Variants in MVB12B observed in about 807,000 individuals in gnomAD.
MVB12B encodes multivesicular body subunit 12B, also known as ESCRT-I complex subunit MVB12B.
A neutral mutation model predicts 41.6 loss-of-function variants in MVB12B; 16 were observed. The ratio of observed to expected loss-of-function variants is 0.38; its 90% CI spans 0.26 to 0.58. MVB12B has a LOEUF of 0.58. Among genes scored for constraint, MVB12B ranks in the 20% least tolerant of loss-of-function variants. MVB12B has a pLI of 0.62. For missense variants in MVB12B, 274 were observed against 380.2 expected, an observed-to-expected ratio of 0.72 and a Z score of 2.32; for synonymous variants, 133 against 139.7, an observed-to-expected ratio of 0.95 and a Z score of 0.34.
intron 6 of MVB12B, chr9:126,397,699 T>C (rs1241188806): frequency 3.1e-6 from 3 of 955,464 alleles, no homozygotes; most frequent in Non-Finnish European, 3.7e-6. Flanking sequence ...TCCATCAGGG[T>C]TTTTTGGTTT....
chr9:126,422,033 G>A lies in MVB12B; in HGVS notation c.757+85G>A, dbSNP rs529740918. On this transcript the variant is annotated intron_variant, in intron 7 of 9. Transcript: ENST00000361171. ...TCCACACGTTCTCTGTCTTCTCGTG[G>A]GATCTGTCTGCCTTACCTCTCTTTT... 5.4e-6 allele frequency: 5 copies of A among 934,558 alleles called. No homozygotes were observed. In the Admixed American group the frequency reaches 7.1e-5, roughly 13 times the overall value. The allele number at this position is 934,558 out of a possible 1,614,324, so 57.9% of individuals were successfully genotyped here. A position where few individuals can be genotyped will look rare whatever the true frequency, so the allele number is the denominator to read the frequency against.
At chr9:126,485,570 AC>A (rs376882198) in intron 9 of MVB12B, among the ~76,000 whole-genome samples, 602 of 67,504 alleles carry the variant, frequency 8.9e-3, no homozygotes, top group East Asian at 0.058. Flanking sequence ...AGGTCAGGGT[AC>A]CTTCCACTGT....
At chr9:126,408,377 G>A (rs1484829316) in intron 6 of MVB12B, 2 of 152,182 alleles carry the variant, frequency 1.3e-5, no homozygotes, top group African/African-American at 4.8e-5. Flanking sequence ...ATATACAAAG[G>A]AAAGTTTCAA....
chr9:126,481,109 T>G, intron 7 of MVB12B: 1 of 498,046 alleles, frequency 2.0e-6, no homozygotes, highest in Non-Finnish European at 3.6e-6. Flanking sequence ...CCAGCCGCTC[T>G]CTGCTCCTAG....
chr9:126,412,703 G>A (rs534065467), intron 6 of MVB12B, among the ~76,000 whole-genome samples: 8 of 152,268 alleles, frequency 5.3e-5, no homozygotes, highest in African/African-American at 1.2e-4. Flanking sequence ...CGTCAATACC[G>A]TGAGCCTCTC....
chr9:126,481,496 C>T, intron 8 of MVB12B, 72 bp downstream of exon 8: 1 of 1,136,564 alleles, frequency 8.8e-7, no homozygotes, highest in Non-Finnish European at 1.3e-6. Flanking sequence ...CTGATTTACA[C>T]AGCACGCAGG....
chr9:126,435,459 T>C (rs1016071079), intron 7 of MVB12B, among the ~76,000 whole-genome samples: 4 of 152,198 alleles, frequency 2.6e-5, no homozygotes, highest in Non-Finnish European at 5.9e-5. Context: ...AAAATGATTT[T>C]AAAGAGAGAA....
intron 2 of MVB12B, among the ~76,000 whole-genome samples, chr9:126,348,992 C>G (rs1281370819): frequency 3.3e-5 from 5 of 152,026 alleles, no homozygotes. Context: ...GATTATTACT[C>G]GCAGTTCCCA....
intron 2 of MVB12B, among the ~76,000 whole-genome samples, chr9:126,355,117 C>T (rs368794971): frequency 9.2e-5 from 14 of 152,322 alleles, no homozygotes; most frequent in African/African-American, 3.1e-4. Flanking sequence ...TTAGAACGCT[C>T]GTTTCCTATC....
At chr9:126,461,414 T>C (rs924123459) in intron 7 of MVB12B, among the ~76,000 whole-genome samples, 1 of 152,116 alleles carries the variant, frequency 6.6e-6, no homozygotes, top group Non-Finnish European at 1.5e-5. Context: ...TTTAAGCAGA[T>C]GTTGTGCTGT....
chr9:126,494,945 C>T (rs1454138667), intron 9 of MVB12B, among the ~76,000 whole-genome samples: 1 of 151,964 alleles, frequency 6.6e-6, no homozygotes, highest in Admixed American at 6.6e-5. Context: ...TAATCCCAGC[C>T]CTTTGCCAAA....
At chr9:126,442,663 C>T (rs1028915525) in intron 7 of MVB12B, among the ~76,000 whole-genome samples, 5 of 152,118 alleles carry the variant, frequency 3.3e-5, no homozygotes, top group African/African-American at 1.2e-4. Context: ...CACTCTGGGA[C>T]CCAGGCTGAA....
rs1385242994 is a variant in MVB12B, at chr9:126,386,182, C to G, written c.313-380C>G. Among the ~76,000 whole-genome samples the G allele has an allele frequency of 6.6e-6, 1 of 152,162 alleles. No individual in the cohort carries two copies. The highest frequency in any genetic ancestry group is 1.5e-5 in the Non-Finnish European group (1 of 68,032). On this transcript the variant is annotated intron_variant, in intron 3 of 9. Coordinates refer to ENST00000361171, the MANE Select transcript of MVB12B (RefSeq NM_033446.3). This position sits in a 1 kb window ranked among gnomAD's most constrained non-coding sequence, Gnocchi z 4.3. ...AGATGCAGCTCTTTCCTACGAGTGC[C>G]TCAGGAATTTGCTCTTCCTAAAACC...
intron 1 of MVB12B, chr9:126,335,483 G>A: frequency 9.3e-7 from 1 of 1,077,236 alleles, no homozygotes; most frequent in Non-Finnish European, 1.3e-6. Context: ...CCTGGCCACA[G>A]GTTCCCTCCT....
chr9:126,464,719 A>G (rs1234809943), intron 7 of MVB12B, among the ~76,000 whole-genome samples: 2 of 152,174 alleles, frequency 1.3e-5, no homozygotes, highest in African/African-American at 4.8e-5. Flanking sequence ...TGACTTCTTC[A>G]GGTCACATGG....
chr9:126,407,534 C>G (rs543604714), intron 6 of MVB12B, among the ~76,000 whole-genome samples: 59 of 152,318 alleles, frequency 3.9e-4, no homozygotes, highest in Middle Eastern at 3.4e-3. Context: ...GAGTCTTCCT[C>G]TCTGTGAGTG....
chr9:126,356,717 C>T (rs763904699), intron 2 of MVB12B, among the ~76,000 whole-genome samples: 2 of 152,000 alleles, frequency 1.3e-5, no homozygotes, highest in Admixed American at 6.6e-5. Context: ...GCGGATTTCT[C>T]ATGGTTTAGC....
At chr9:126,404,315 G>T (rs1464921556) in intron 6 of MVB12B, among the ~76,000 whole-genome samples, 1 of 152,194 alleles carries the variant, frequency 6.6e-6, no homozygotes, top group Non-Finnish European at 1.5e-5. Context: ...CCAGGTTTAA[G>T]TTGAGGAAAC....
At chr9:126,426,965 AGT>A (rs1832197363) in intron 7 of MVB12B, 1 of 152,380 alleles carries the variant, frequency 6.6e-6, no homozygotes, top group African/African-American at 2.4e-5. Context: ...CGCCAAAATG[AGT>A]GCTCTTGTTT....
Sources: gnomAD v4.1 joint callset for allele counts (sites outside exome capture counted in the v4.1 genomes callset) on GRCh38, gnomAD v4.1.1 for gene constraint, Gnocchi (gnomAD v3.1) non-coding constraint, MANE v1.5 for transcripts, NCBI Gene and HGNC (gene_info 2026-07-23, HGNC 2026-07-21) for gene names.